The following DHX16 variants were observed in gnomAD, a reference collection of about 807,000 sequenced individuals.
DHX16 encodes DEAH-box helicase 16.
A neutral mutation model predicts 131.2 loss-of-function variants in DHX16; 81 were observed. The ratio of observed to expected loss-of-function variants is 0.62; its 90% confidence interval spans 0.52 to 0.74. The LOEUF is 0.74. Among genes scored for constraint, DHX16 ranks in the 30% least tolerant of loss-of-function variants. The probability of loss-of-function intolerance (pLI) is 0.00; values close to 1 mark genes in which losing one functional copy is unlikely to be tolerated. For synonymous variants in DHX16, 440 were observed against 520.2 expected (o/e 0.85, Z 2.10); for missense variants, 980 against 1,363.1 (o/e 0.72, Z 4.43).
Position 30,665,267 on chromosome 6 carries a change from C to T in DHX16, c.929G>A (p.Arg310Gln), listed in dbSNP as rs867043752. ...TTCCTCCTCCACTAGATCCACAGCTCGGGCTGGCTACAGAGAGAGGGGATA... is the reference window on the plus strand; with the variant it reads ...TTCCTCCTCCACTAGATCCACAGCTTGGGCTGGCTACAGAGAGAGGGGATA... Reference protein sequence around the residue: ...MPKETRGQPARAVDLVEEESG... With the variant: ...MPKETRGQPAQAVDLVEEESG... Residue 310 changes from arginine (R) to glutamine (Q), a missense_variant, in exon 6 of 20, where the codon CGA becomes CAA. Physicochemically the swap from Arg to Gln is conservative, Grantham distance 43 (BLOSUM62 1). Around this residue, in one of 3 missense-constraint regions of DHX16, gnomAD observed 457 missense variants for 554.8 expected, o/e 0.82. Transcript: ENST00000376442. This position sits in a 1 kb window ranked among gnomAD's most constrained non-coding sequence, Gnocchi z 4.8. The T allele has an allele frequency of 6.2e-6, 10 of 1,602,538 alleles. No homozygotes were observed. Among genetic ancestry groups the T allele is most frequent in the Admixed American group, 1.7e-5 (1 of 59,766 alleles).
In DHX16 at chr6:30,660,262, G is replaced by T; in HGVS notation, c.1545-20C>A. On this transcript the variant is annotated intron_variant, in intron 9 of 19. Coordinates refer to ENST00000376442, the MANE Select transcript of DHX16 (RefSeq NM_003587.5). ...ACCACGCTGGGGAGGGAATAGGAGAGCAATGAGGGAAGAGCGCTAGGCAAT... is the reference window on the plus strand; with the variant it reads ...ACCACGCTGGGGAGGGAATAGGAGATCAATGAGGGAAGAGCGCTAGGCAAT... 1 of 1,514,496 alleles carries T rather than the reference G, an allele frequency of 6.6e-7. No individual in the cohort carries two copies. The highest frequency in any genetic ancestry group is 1.3e-5 in the South Asian group (1 of 75,230). The allele number at this position is 1,514,496 out of a possible 1,614,324, so 93.8% of individuals were successfully genotyped here. A position where few individuals can be genotyped will look rare whatever the true frequency, so the allele number is the denominator to read the frequency against.
At chr6:30,664,477 C>CA (rs10627470) in intron 7 of DHX16, among the ~76,000 whole-genome samples, 4,491 of 75,348 alleles carry the variant, frequency 0.06, 106 homozygotes, top group Non-Finnish European at 0.086. Context: ...ACTCCGTCTC[C>CA]AAAAAAAAAA....
rs1338073240 is a variant in DHX16, at chr6:30,654,555, AAAC to A, written c.2997+148_2997+150del. On this transcript the variant is annotated intron_variant, in intron 19 of 19. Coordinates refer to ENST00000376442, the MANE Select transcript of DHX16 (RefSeq NM_003587.5). ...ACAGAGTGAGACTCCGTCTCAAAAA[AAAC>A]AAAAAAAAACAAAGGATGTCTTTCT... The A allele has an allele frequency of 2.2e-5, 18 of 818,906 alleles. No homozygotes were observed. In the African/African-American group the frequency reaches 3.0e-4, roughly 14 times the overall value. The allele number at this position is 818,906 out of a possible 1,614,324, so 50.7% of individuals were successfully genotyped here.
In DHX16 at chr6:30,656,198, T is replaced by G. The variant is rs1430393779; in HGVS notation, c.2498A>C (p.Lys833Thr). 2 of 1,612,808 alleles carry G rather than the reference T, an allele frequency of 1.2e-6. No homozygotes were observed. The highest frequency in any genetic ancestry group is 2.7e-5 in the African/African-American group (2 of 74,904). ...GGCCCAGGTGGAGGCGAGGGCTTAC[T>G]TCTCAGAGGCTAAGATCATTTTGGA... ...MLSKMILASE[K>T]YSCSEEILTV... Residue 833 changes from lysine to threonine, a missense_variant and splice_region_variant, in exon 16 of 20, where the codon AAG (lysine) becomes ACG (threonine). Transcript: ENST00000376442. This position sits in a 1 kb window ranked among gnomAD's most constrained non-coding sequence, Gnocchi z 5.1.
In DHX16 at chr6:30,653,363, T is replaced by G; in HGVS notation, c.3005A>C (p.Glu1002Ala). The change falls in exon 20 of 20, where the codon GAG becomes GCG. Residue 1002 changes from glutamate (E) to alanine (A), a missense_variant. By Grantham distance (107) the Glu-to-Ala change is moderately radical (BLOSUM62 -1). Around this residue, in one of 3 missense-constraint regions of DHX16, gnomAD observed 214 missense variants for 271.2 expected, o/e 0.79. Transcript: ENST00000376442. ...TTKEFMRQVL[E>A]IESSWLLEVA... is the part of the protein sequence containing the mutation. ...CTCCAGAAGCCAACTGCTCTCAATC[T>G]CCAGTACCTAGGAGAGAGAAAAGAT... The G allele has an allele frequency of 6.2e-7, 1 of 1,611,930 alleles. No individual in the cohort carries two copies. Among genetic ancestry groups the G allele is most frequent in the Non-Finnish European group, 8.5e-7 (1 of 1,179,684 alleles).
chr6:30,665,705 C>T lies in DHX16; in HGVS notation c.695G>A (p.Arg232Gln), dbSNP rs1055440195. 7.4e-6 allele frequency: 12 copies of T among 1,611,250 alleles called. No individual in the cohort carries two copies. The highest frequency in any genetic ancestry group is 2.2e-5 in the South Asian group (2 of 91,088). ...TCGCTCCCGCTTAGCCAGGTACTCTCGGCGAGATTTCTTCCGCAGCTCAGG... is the reference window on the plus strand; with the variant it reads ...TCGCTCCCGCTTAGCCAGGTACTCTTGGCGAGATTTCTTCCGCAGCTCAGG... ...MVPELRKKSR[R>Q]EYLAKREREK... is the part of the protein sequence containing the mutation. Residue 232 changes from arginine to glutamine, a missense_variant, in exon 5 of 20, where the codon CGA (arginine) becomes CAA (glutamine). Around this residue, in one of 3 missense-constraint regions of DHX16, gnomAD observed 457 missense variants for 554.8 expected, o/e 0.82. Coordinates refer to ENST00000376442, the MANE Select transcript of DHX16 (RefSeq NM_003587.5). This position sits in a 1 kb window ranked among gnomAD's most constrained non-coding sequence, Gnocchi z 4.8.
rs1768378952 is a variant in DHX16 at position 30,660,238 on chromosome 6, C to T, written c.1549G>A (p.Val517Met). The change falls in exon 10 of 20, where the codon GTG becomes ATG. Residue 517 changes from valine (V) to methionine (M), a missense_variant. By Grantham distance (21) the Val-to-Met change is conservative. Transcript: ENST00000376442. ...SEPDLASYSV[V>M]MVDEAHERTL... is the part of the protein sequence containing the mutation. ...CTTTCGTGTGCCTCATCCACCATCA[C>T]CACGCTGGGGAGGGAATAGGAGAGC... 1.3e-6 allele frequency: 2 copies of T among 1,527,710 alleles called. No homozygotes were observed. The highest frequency in any genetic ancestry group is 1.8e-6 in the Non-Finnish European group (2 of 1,136,966). 94.6% of individuals were successfully genotyped at this position (1,527,710 alleles called of 1,614,324 possible). A position where few individuals can be genotyped will look rare whatever the true frequency, so the allele number is the denominator to read the frequency against.
chr6:30,672,931 A>G lies in DHX16; in HGVS notation c.-90T>C, dbSNP rs1257148492. On this transcript the variant is annotated 5_prime_UTR_variant, in exon 1 of 20. Coordinates refer to ENST00000376442, the MANE Select transcript of DHX16 (RefSeq NM_003587.5). The stretch of plus-strand genomic sequence containing the variant: ...TCAGAGGCCTGGAGCCCTCGGCTGG[A>G]GCCTCAGCTTCGCAAGTCAGCTACC... 1 of 1,569,128 alleles carries G rather than the reference A, an allele frequency of 6.4e-7. No individual in the cohort carries two copies. The highest frequency in any genetic ancestry group is 1.9e-5 in the Admixed American group (1 of 52,718).
Position 30,660,230 on chromosome 6 carries a change from C to A in DHX16, c.1557G>T (p.Val519=). ...PDLASYSVVM[V]DEAHERTLHT... ...GTAGGGTCCTTTCGTGTGCCTCATC[C>A]ACCATCACCACGCTGGGGAGGGAAT... is the stretch of plus-strand genomic sequence containing the variant. The change falls in exon 10 of 20, where the codon GTG becomes GTT. Residue 519 remains valine, a synonymous_variant. Coordinates refer to ENST00000376442, the MANE Select transcript of DHX16 (RefSeq NM_003587.5). 6.5e-7 allele frequency: 1 copy of A among 1,529,188 alleles called. No homozygotes were observed. Among genetic ancestry groups the A allele is most frequent in the East Asian group, 2.3e-5 (1 of 43,960 alleles). 94.7% of individuals were successfully genotyped at this position (1,529,188 alleles called of 1,614,324 possible).
chr6:30,664,739 T>C (rs1200777993), intron 7 of DHX16, 62 bp downstream of exon 7: 2 of 1,440,480 alleles, frequency 1.4e-6, no homozygotes, highest in Admixed American at 2.0e-5. Context: ...AAAGGAGCTC[T>C]GACAGGAATG....
chr6:30,657,413 A>G (rs1234806629), intron 12 of DHX16, among the ~76,000 whole-genome samples: 16 of 150,626 alleles, frequency 1.1e-4, no homozygotes, highest in Non-Finnish European at 5.9e-5. Context: ...TTCACACAAC[A>G]CTTCCTGTAA....
chr6:30,653,436 T>C, intron 19 of DHX16, 66 bp from the exon 20 acceptor site: 1 of 1,525,124 alleles, frequency 6.6e-7, no homozygotes, highest in Non-Finnish European at 8.8e-7. Context: ...TGTTGTTATT[T>C]TTTTTTCTTA....
intron 4 of DHX16, among the ~76,000 whole-genome samples, chr6:30,666,870 C>T (rs1370343696): frequency 6.6e-6 from 1 of 152,072 alleles, no homozygotes; most frequent in Non-Finnish European, 1.5e-5. Context: ...AGTTGTTTGG[C>T]TTTTCTTGTT....
intron 19 of DHX16, among the ~76,000 whole-genome samples, chr6:30,653,667 C>T (rs1767678250): frequency 4.0e-5 from 1 of 25,200 alleles, no homozygotes; most frequent in Admixed American, 4.0e-4. Flanking sequence ...CCACTATGCC[C>T]AGCCCCAACC....
rs1234136239 is a variant in DHX16 at position 30,670,386 on chromosome 6, G to A, written c.666+24C>T. The A allele has an allele frequency of 1.2e-6, 2 of 1,600,052 alleles. No individual in the cohort carries two copies. Among genetic ancestry groups the A allele is most frequent in the South Asian group, 2.2e-5 (2 of 89,594 alleles). On this transcript the variant is annotated intron_variant, in intron 4 of 19. Coordinates refer to ENST00000376442, the MANE Select transcript of DHX16 (RefSeq NM_003587.5). The surrounding 1 kb of genome is among the most constrained non-coding windows in gnomAD (Gnocchi z 4.4). Reference sequence around the variant, plus strand: ...GTCTTTCCTTTTGTCTTCTGATCTTGGCTCCCTAGGCCCTGGGACTCACCA... The same window carrying A: ...GTCTTTCCTTTTGTCTTCTGATCTTAGCTCCCTAGGCCCTGGGACTCACCA...
At chr6:30,661,958 G>C (rs963836932) in intron 9 of DHX16, 1 of 698,846 alleles carries the variant, frequency 1.4e-6, no homozygotes, top group African/African-American at 1.8e-5. Flanking sequence ...AGCCTCTGAA[G>C]AGTCAAAAAG....
At chr6:30,658,371 C>T (rs902816105) in intron 12 of DHX16, among the ~76,000 whole-genome samples, 1 of 152,090 alleles carries the variant, frequency 6.6e-6, no homozygotes, top group African/African-American at 2.4e-5. Context: ...AGCGAAACCT[C>T]ATCTCTACTA....
At chr6:30,654,069 A>G (rs919349806) in intron 19 of DHX16, among the ~76,000 whole-genome samples, 12 of 152,152 alleles carry the variant, frequency 7.9e-5, no homozygotes, top group African/African-American at 2.9e-4. Context: ...ATGAGCTGAG[A>G]TGGTGCCACT....
Position 30,656,096 on chromosome 6 carries a change from G to A in DHX16, c.2498+102C>T. On this transcript the variant is annotated intron_variant, in intron 16 of 19. Coordinates refer to ENST00000376442, the MANE Select transcript of DHX16 (RefSeq NM_003587.5). The surrounding 1 kb of genome is among the most constrained non-coding windows in gnomAD (Gnocchi z 5.1). ...TCTAATACTTTATTATGTGTTAAGG[G>A]ATAGTATGATGAACAGAAAAAGACA... The A allele has an allele frequency of 8.9e-7, 1 of 1,124,166 alleles. No homozygotes were observed. The highest frequency in any genetic ancestry group is 1.3e-6 in the Non-Finnish European group (1 of 749,112). The allele number at this position is 1,124,166 out of a possible 1,614,324, so 69.6% of individuals were successfully genotyped here.
Sources: gnomAD v4.1 joint callset for allele counts (sites outside exome capture counted in the v4.1 genomes callset) on GRCh38, gnomAD v4.1.1 for gene constraint, gnomAD v4.1.1 regional missense constraint, Gnocchi (gnomAD v3.1) non-coding constraint, MANE v1.5 for transcripts, NCBI Gene and HGNC (gene_info 2026-07-23, HGNC 2026-07-21) for gene names.